NXPE2: variants seen among roughly 807,000 people sequenced by gnomAD.
NXPE2 encodes NXPE family member 2.
A neutral mutation model predicts 34.4 loss-of-function variants in NXPE2; 34 were observed. The observed-to-expected ratio is 0.99, with a 90% CI of 0.75 to 1.31. NXPE2 has a LOEUF of 1.31. NXPE2 is among the 40% of genes most tolerant of loss of function. The pLI, the probability that NXPE2 is intolerant of heterozygous loss-of-function variation, is 0.00. For synonymous variants in NXPE2, 235 were observed against 231.3 expected (o/e 1.02, Z -0.15); for missense variants, 649 against 672.5 (o/e 0.97, Z 0.39).
chr11:114,775,351 T>C, the NXPE2 span, among the ~76,000 whole-genome samples: 2 of 152,168 alleles, frequency 1.3e-5, no homozygotes, highest in South Asian at 2.1e-4. Context: ...ATAGCTTTTG[T>C]TAAGCTCTCC....
chr11:114,476,737 C>G, the NXPE2 span, among the ~76,000 whole-genome samples: 2 of 152,104 alleles, frequency 1.3e-5, no homozygotes, highest in African/African-American at 2.4e-5. Context: ...GAGGAAACTG[C>G]CCCATGATCC....
the NXPE2 span, among the ~76,000 whole-genome samples, chr11:114,800,509 CTGT>C: frequency 5.9e-5 from 9 of 152,102 alleles, no homozygotes; most frequent in African/African-American, 1.9e-4. Flanking sequence ...GTATTTTATG[CTGT>C]TGTTGTTAGC....
At chr11:114,751,556 G>C in the NXPE2 span, among the ~76,000 whole-genome samples, 1 of 152,094 alleles carries the variant, frequency 6.6e-6, no homozygotes. Flanking sequence ...GTGCCATTAG[G>C]GAAAATTAAA....
At chr11:114,792,399 T>C in the NXPE2 span, among the ~76,000 whole-genome samples, 1 of 152,218 alleles carries the variant, frequency 6.6e-6, no homozygotes, top group African/African-American at 2.4e-5. Context: ...TGACCCCCCA[T>C]CTATTCCTGA....
the NXPE2 span, chr11:114,582,421 G>T: frequency 6.2e-7 from 1 of 1,614,158 alleles, no homozygotes; most frequent in Non-Finnish European, 8.5e-7. Flanking sequence ...CTGTTGTCCA[G>T]GTACTGGCAC....
the NXPE2 span, among the ~76,000 whole-genome samples, chr11:114,792,840 G>C: frequency 6.6e-6 from 1 of 152,170 alleles, no homozygotes; most frequent in Admixed American, 6.5e-5. Flanking sequence ...CATCAGTTCT[G>C]TGAGGTAGAT....
the NXPE2 span, among the ~76,000 whole-genome samples, chr11:114,506,693 A>G: frequency 6.6e-6 from 1 of 152,202 alleles, no homozygotes; most frequent in Admixed American, 6.5e-5. Flanking sequence ...ATGAGGACAA[A>G]GATATCACAT....
chr11:114,531,859 A>G, the NXPE2 span, among the ~76,000 whole-genome samples: 3 of 152,210 alleles, frequency 2.0e-5, no homozygotes, highest in African/African-American at 7.2e-5. Flanking sequence ...ACGGTGCTTT[A>G]TAAGCACTCA....
chr11:114,570,284 A>C, the NXPE2 span, among the ~76,000 whole-genome samples: 1 of 152,110 alleles, frequency 6.6e-6, no homozygotes, highest in East Asian at 1.9e-4. Flanking sequence ...GAGCCACTGC[A>C]CCCAACCCTC....
chr11:114,548,049 C>A, the NXPE2 span, among the ~76,000 whole-genome samples: 2 of 151,860 alleles, frequency 1.3e-5, no homozygotes, highest in South Asian at 4.1e-4. Context: ...GAAAGGAAAT[C>A]TTGGTATCTG....
intron 3 of NXPE2, among the ~76,000 whole-genome samples, chr11:114,701,108 C>T (rs1951357495): frequency 6.6e-6 from 1 of 152,064 alleles, no homozygotes; most frequent in Non-Finnish European, 1.5e-5. Context: ...CCCTATGGCT[C>T]AGCTAAAAGA....
At chr11:114,604,738 G>C in the NXPE2 span, among the ~76,000 whole-genome samples, 7 of 152,030 alleles carry the variant, frequency 4.6e-5, no homozygotes, top group East Asian at 1.4e-3. Context: ...TTACTCGGTG[G>C]ATAATAAGTA....
At chr11:114,512,819 G>A in the NXPE2 span, 15 of 191,094 alleles carry the variant, frequency 7.8e-5, no homozygotes, top group East Asian at 4.6e-4. Flanking sequence ...CAGGGAACAC[G>A]TTGAGGCCTC....
At chr11:114,733,233 A>G in the NXPE2 span, among the ~76,000 whole-genome samples, 8 of 152,080 alleles carry the variant, frequency 5.3e-5, no homozygotes, top group African/African-American at 1.9e-4. Context: ...AGCTGGGACT[A>G]CAGGCGCCCA....
chr11:114,508,017 T>C, the NXPE2 span, among the ~76,000 whole-genome samples: 18 of 152,300 alleles, frequency 1.2e-4, no homozygotes, highest in Non-Finnish European at 2.5e-4. Context: ...CAAAAGCTTC[T>C]TAAGCTGTTA....
At chr11:114,717,878 T>C in the NXPE2 span, among the ~76,000 whole-genome samples, 1 of 152,142 alleles carries the variant, frequency 6.6e-6, no homozygotes, top group Non-Finnish European at 1.5e-5. Flanking sequence ...AGGAAAAGTT[T>C]GAGGTCTGAG....
At chr11:114,648,258 C>A in the NXPE2 span, among the ~76,000 whole-genome samples, 3 of 152,164 alleles carry the variant, frequency 2.0e-5, no homozygotes, top group Middle Eastern at 3.4e-3. Context: ...AATTTGAAGG[C>A]ATGAGAACCA....
At chr11:114,549,307 T>C in the NXPE2 span, among the ~76,000 whole-genome samples, 1 of 152,060 alleles carries the variant, frequency 6.6e-6, no homozygotes, top group African/African-American at 2.4e-5. Flanking sequence ...AACCTAATAT[T>C]GTACCAAGAA....
At chr11:114,601,815 TTATATATAATATATAATTA>T in the NXPE2 span, among the ~76,000 whole-genome samples, 2 of 70,970 alleles carry the variant, frequency 2.8e-5, no homozygotes, top group South Asian at 4.3e-4. Flanking sequence ...TATTATATAA[TTATATATAATATATAATTA>T]TATATATAAT....
Sources: allele counts gnomAD v4.1 joint callset (sites outside exome capture counted in the v4.1 genomes callset), GRCh38; gene constraint gnomAD v4.1.1; transcripts MANE v1.5; gene names NCBI Gene and HGNC (gene_info 2026-07-23, HGNC 2026-07-21).